Variants in RBFOX1 observed in about 807,000 individuals in gnomAD.
RBFOX1 encodes the protein RNA binding fox-1 homolog 1.
In RBFOX1, 8 loss-of-function variants were observed where a neutral mutation model predicts 57.7. The ratio of observed to expected loss-of-function variants is 0.14; its 90% CI spans 0.08 to 0.25. The LOEUF (loss-of-function observed/expected upper bound fraction) is 0.25, where lower values mean the gene tolerates loss of function less well. RBFOX1 is among the 10% of genes least tolerant of loss of function. The probability of loss-of-function intolerance (pLI) is 1.00; values close to 1 mark genes in which losing one functional copy is unlikely to be tolerated. For synonymous variants in RBFOX1, 326 were observed against 222.4 expected (o/e 1.47, Z -4.15); for missense variants, 611 against 548.5 (o/e 1.11, Z -1.14).
In RBFOX1 at chr16:7,060,660, T is replaced by A. The variant is rs572037643; in HGVS notation, c.27+8562T>A. Among the ~76,000 whole-genome samples the A allele has an allele frequency of 4.6e-5, 7 of 152,296 alleles. No individual in the cohort carries two copies. In the East Asian group the frequency reaches 1.2e-3, roughly 25 times the overall value. ...ATCTGTCTATAATGGAAGAACAAAT[T>A]TATCCTTTTTTATTGGATCCCCCAG... On this transcript the variant is annotated intron_variant, in intron 4 of 15. Transcript: ENST00000550418.
At chr16:5,553,106 G>A (rs2045527512) in intron 2 of RBFOX1, among the ~76,000 whole-genome samples, 1 of 152,102 alleles carries the variant, frequency 6.6e-6, no homozygotes, top group Non-Finnish European at 1.5e-5. Context: ...CACAGGGCGA[G>A]CAACATCACA....
chr16:7,266,125 C>G (rs928847304), intron 4 of RBFOX1, among the ~76,000 whole-genome samples: 107 of 151,986 alleles, frequency 7.0e-4, no homozygotes, highest in African/African-American at 2.4e-3. Context: ...CAGGCGCTCG[C>G]CAATACACCT....
intron 5 of RBFOX1, among the ~76,000 whole-genome samples, chr16:7,573,153 T>C (rs554166618): frequency 2.8e-4 from 43 of 152,244 alleles, no homozygotes; most frequent in African/African-American, 9.9e-4. Flanking sequence ...GCAGAGATTG[T>C]ATCGGCAAGA....
chr16:6,820,854 A>C (rs6500843), intron 3 of RBFOX1, among the ~76,000 whole-genome samples: 1 of 151,900 alleles, frequency 6.6e-6, no homozygotes, highest in African/African-American at 2.4e-5. Flanking sequence ...GAAGTTAATT[A>C]TTTTTGACCC....
At chr16:7,109,867 A>G (rs918421856) in intron 4 of RBFOX1, among the ~76,000 whole-genome samples, 1 of 152,148 alleles carries the variant, frequency 6.6e-6, no homozygotes, top group Admixed American at 6.5e-5. Flanking sequence ...CCAGGTCACT[A>G]GCATTCACTG....
At chr16:6,696,465 G>A (rs2061065784) in intron 3 of RBFOX1, among the ~76,000 whole-genome samples, 1 of 152,114 alleles carries the variant, frequency 6.6e-6, no homozygotes, top group Admixed American at 6.6e-5. Context: ...CTTTGAAATT[G>A]GAGTCGATGT....
chr16:7,693,638 A>T (rs970707054), intron 14 of RBFOX1, among the ~76,000 whole-genome samples: 1 of 152,122 alleles, frequency 6.6e-6, no homozygotes, highest in Non-Finnish European at 1.5e-5. Context: ...AATCCACAAG[A>T]AAATCTTACA....
At chr16:7,444,889 T>G (rs6416818) in intron 4 of RBFOX1, among the ~76,000 whole-genome samples, 1 of 151,964 alleles carries the variant, frequency 6.6e-6, no homozygotes, top group African/African-American at 2.4e-5. Flanking sequence ...TGCAGATAGA[T>G]AGACAGTTAC....
intron 4 of RBFOX1, among the ~76,000 whole-genome samples, chr16:7,206,997 C>G (rs1316380251): frequency 6.6e-6 from 1 of 152,096 alleles, no homozygotes; most frequent in Non-Finnish European, 1.5e-5. Flanking sequence ...CCAATTTAGC[C>G]CCTTGCAGCT....
At chr16:5,996,212 G>C (rs1311922433) in intron 4 of RBFOX1, among the ~76,000 whole-genome samples, 1 of 152,110 alleles carries the variant, frequency 6.6e-6, no homozygotes, top group East Asian at 1.9e-4. Flanking sequence ...ACTGCAAACA[G>C]TGGTCATTTT....
intron 2 of RBFOX1, among the ~76,000 whole-genome samples, chr16:6,558,894 C>G (rs974686647): frequency 6.6e-6 from 1 of 151,994 alleles, no homozygotes; most frequent in South Asian, 2.1e-4. Context: ...ATTCTGCTCC[C>G]TCTGTCTGGA....
intron 1 of RBFOX1, chr16:5,270,256 A>C (rs946942088): frequency 5.1e-5 from 29 of 571,118 alleles, no homozygotes; most frequent in Non-Finnish European, 7.3e-5. Context: ...TTTTCTAAGA[A>C]AGATCAGTAT....
In RBFOX1 at chr16:6,799,973, C is replaced by T. The variant is rs74404054; in HGVS notation, c.-16+145323C>T. On this transcript the variant is annotated intron_variant, in intron 3 of 15. Coordinates refer to ENST00000550418, the MANE Select transcript of RBFOX1 (RefSeq NM_018723.4). ...ATGTGAGTCAATTCTCCTTAATAAA[C>T]TTCCTTTCATATATATTAAACACAT... is the stretch of plus-strand genomic sequence containing the variant. Among the ~76,000 whole-genome samples the T allele has an allele frequency of 1.4e-4, 21 of 152,238 alleles. No individual in the cohort carries two copies. The East Asian group carries it at 3.7e-3, about 27-fold the overall frequency.
chr16:6,999,761 A>G (rs1182336594), intron 3 of RBFOX1, among the ~76,000 whole-genome samples: 3 of 152,032 alleles, frequency 2.0e-5, no homozygotes, highest in African/African-American at 7.2e-5. Context: ...ATTGTCATTA[A>G]TGTTATTATG....
chr16:5,273,224 A>ATT (rs748241159), intron 1 of RBFOX1, among the ~76,000 whole-genome samples: 2 of 137,738 alleles, frequency 1.5e-5, no homozygotes, highest in South Asian at 2.3e-4. Context: ...ATTGCTTTCA[A>ATT]TTTTTTTTTT....
intron 1 of RBFOX1, among the ~76,000 whole-genome samples, chr16:6,137,540 A>C (rs1038945985): frequency 1.9e-4 from 28 of 150,830 alleles, no homozygotes; most frequent in African/African-American, 6.6e-4. Flanking sequence ...TCCTGACCTC[A>C]GGTGATCCGC....
intron 1 of RBFOX1, among the ~76,000 whole-genome samples, chr16:6,235,375 T>G (rs2097497960): frequency 6.6e-6 from 1 of 152,110 alleles, no homozygotes; most frequent in African/African-American, 2.4e-5. Flanking sequence ...CAGCCCCAGC[T>G]GTCTGTCTGT....
intron 3 of RBFOX1, among the ~76,000 whole-genome samples, chr16:6,919,787 C>CATT (rs2074057976): frequency 4.5e-5 from 2 of 44,478 alleles, no homozygotes; most frequent in African/African-American, 1.7e-4. Flanking sequence ...TTTTTTTTTT[C>CATT]ATTATTATTA....
At chr16:7,472,369 G>T (rs1397522810) in intron 4 of RBFOX1, among the ~76,000 whole-genome samples, 1 of 152,104 alleles carries the variant, frequency 6.6e-6, no homozygotes, top group African/African-American at 2.4e-5. Context: ...TCCATTAACA[G>T]TAATACCCTC....
Sources: gnomAD v4.1 joint callset for allele counts (sites outside exome capture counted in the v4.1 genomes callset) on GRCh38, gnomAD v4.1.1 for gene constraint, MANE v1.5 for transcripts, NCBI Gene and HGNC (gene_info 2026-07-23, HGNC 2026-07-21) for gene names.